Variants in FBXL7 observed in about 807,000 individuals in gnomAD.
FBXL7 encodes F-box/LRR-repeat protein 7.
FBXL7 carries 12 observed loss-of-function variants against 38.3 expected under a neutral mutation model. The observed-to-expected ratio is 0.31, with a 90% CI of 0.20 to 0.51. The LOEUF is 0.51. Among genes scored for constraint, FBXL7 ranks in the 20% least tolerant of loss-of-function variants. The pLI is 0.98. For missense variants in FBXL7, 567 were observed against 676.4 expected, an observed-to-expected ratio of 0.84 and a Z score of 1.79; for synonymous variants, 297 against 300.9, an observed-to-expected ratio of 0.99 and a Z score of 0.13.
At chr5:15,860,200 A>C (rs1413394675) in intron 2 of FBXL7, among the ~76,000 whole-genome samples, 1 of 152,208 alleles carries the variant, frequency 6.6e-6, no homozygotes, top group Non-Finnish European at 1.5e-5. Flanking sequence ...CAAACAATTT[A>C]TTGGTAACAA....
At chr5:15,632,283 A>G (rs4701635) in intron 2 of FBXL7, among the ~76,000 whole-genome samples, 5 of 152,178 alleles carry the variant, frequency 3.3e-5, no homozygotes, top group Admixed American at 3.3e-4. Context: ...TCACTCTAGA[A>G]AATTTTATTT....
chr5:15,724,696 T>C (rs1184285242), intron 2 of FBXL7, among the ~76,000 whole-genome samples: 1 of 152,238 alleles, frequency 6.6e-6, no homozygotes, highest in Non-Finnish European at 1.5e-5. Context: ...TTTTAAAGTA[T>C]GCTAACATTT....
At chr5:15,532,985 A>G (rs532762144) in intron 1 of FBXL7, among the ~76,000 whole-genome samples, 20 of 152,268 alleles carry the variant, frequency 1.3e-4, no homozygotes, top group African/African-American at 4.3e-4. Flanking sequence ...CCAGCTACTG[A>G]GAGAGGAGAT....
intron 2 of FBXL7, among the ~76,000 whole-genome samples, chr5:15,796,170 A>G (rs1737411149): frequency 6.6e-6 from 1 of 152,194 alleles, no homozygotes; most frequent in Admixed American, 6.5e-5. Flanking sequence ...AATAAACCAG[A>G]TCTTTTTCTA....
At chr5:15,630,384 G>A (rs1164037638) in intron 2 of FBXL7, among the ~76,000 whole-genome samples, 3 of 151,832 alleles carry the variant, frequency 2.0e-5, no homozygotes, top group South Asian at 4.1e-4. Flanking sequence ...CCAAATTAGA[G>A]CTTGTGATTT....
At chr5:15,546,421 G>A (rs1446288962) in intron 1 of FBXL7, among the ~76,000 whole-genome samples, 1 of 152,316 alleles carries the variant, frequency 6.6e-6, no homozygotes. Flanking sequence ...ACAAAAGTCA[G>A]CCAGGCATGG....
chr5:15,760,221 T>G (rs1322994213), intron 2 of FBXL7, among the ~76,000 whole-genome samples: 1 of 152,134 alleles, frequency 6.6e-6, no homozygotes, highest in Non-Finnish European at 1.5e-5. Context: ...ATACCCATTG[T>G]GCACACCTAC....
intron 2 of FBXL7, among the ~76,000 whole-genome samples, chr5:15,867,952 A>T: frequency 6.6e-6 from 1 of 152,060 alleles, no homozygotes; most frequent in Non-Finnish European, 1.5e-5. Flanking sequence ...AAAAATACAA[A>T]AATTAGCCGG....
chr5:15,707,443 TA>T (rs1022030303), intron 2 of FBXL7, among the ~76,000 whole-genome samples: 1 of 152,098 alleles, frequency 6.6e-6, no homozygotes, highest in Admixed American at 6.6e-5. Flanking sequence ...ATAATCAGGA[TA>T]AGGACATTAC....
intron 2 of FBXL7, among the ~76,000 whole-genome samples, chr5:15,886,232 T>A (rs1263460575): frequency 1.3e-5 from 2 of 151,996 alleles, no homozygotes; most frequent in Non-Finnish European, 2.9e-5. Flanking sequence ...TGTGTGTGCA[T>A]GCAAATGTAT....
chr5:15,574,472 T>C (rs1698365402), intron 1 of FBXL7, among the ~76,000 whole-genome samples: 1 of 152,218 alleles, frequency 6.6e-6, no homozygotes, highest in Admixed American at 6.5e-5. Context: ...TTACAGATAG[T>C]AGGTGCAAAT....
At chr5:15,558,032 A>G (rs1738302789) in intron 1 of FBXL7, among the ~76,000 whole-genome samples, 1 of 152,202 alleles carries the variant, frequency 6.6e-6, no homozygotes, top group South Asian at 2.1e-4. Context: ...TTACGGATAT[A>G]GAGCTTCTGT....
chr5:15,800,268 G>A lies in FBXL7; in HGVS notation c.128-127622G>A, dbSNP rs533129603. On this transcript the variant is annotated intron_variant, in intron 2 of 3. Transcript: ENST00000504595. ...CAGGAACTCATACCTCATCTCAATA[G>A]GCTTCACATCTGAAGGCTCATCTTG... is the stretch of plus-strand genomic sequence containing the variant. Among the ~76,000 whole-genome samples, 7 of 152,196 alleles carry A rather than the reference G, an allele frequency of 4.6e-5. No individual in the cohort carries two copies. The South Asian group carries it at 1.2e-3, about 27-fold the overall frequency.
intron 2 of FBXL7, among the ~76,000 whole-genome samples, chr5:15,849,544 T>C (rs1198378249): frequency 6.6e-6 from 1 of 152,172 alleles, no homozygotes. Context: ...GGAAGTTTCC[T>C]TGGACAAGTT....
At chr5:15,680,994 C>A (rs1302270546) in intron 2 of FBXL7, among the ~76,000 whole-genome samples, 1 of 152,044 alleles carries the variant, frequency 6.6e-6, no homozygotes, top group African/African-American at 2.4e-5. Flanking sequence ...TTTAGTATAC[C>A]AGCAAGAATC....
chr5:15,545,141 C>A (rs1409733961), intron 1 of FBXL7, among the ~76,000 whole-genome samples: 1 of 152,218 alleles, frequency 6.6e-6, no homozygotes, highest in African/African-American at 2.4e-5. Context: ...TGACTCCATT[C>A]TCAATGCTCA....
At chr5:15,723,623 G>C (rs562964560) in intron 2 of FBXL7, among the ~76,000 whole-genome samples, 1 of 152,358 alleles carries the variant, frequency 6.6e-6, no homozygotes, top group Non-Finnish European at 1.5e-5. Context: ...ACAGCCTCAA[G>C]AACATGGATT....
chr5:15,694,507 T>C (rs1019073005), intron 2 of FBXL7, among the ~76,000 whole-genome samples: 7 of 152,174 alleles, frequency 4.6e-5, no homozygotes, highest in Non-Finnish European at 1.0e-4. Context: ...CTGTACCTTA[T>C]AAATAGATTT....
intron 1 of FBXL7, among the ~76,000 whole-genome samples, chr5:15,508,712 C>G (rs1233347179): frequency 6.6e-6 from 1 of 152,128 alleles, no homozygotes; most frequent in African/African-American, 2.4e-5. Context: ...CTCTTTAGTA[C>G]TTCTTTCTCT....
Sources: allele counts gnomAD v4.1 joint callset (sites outside exome capture counted in the v4.1 genomes callset), GRCh38; gene constraint gnomAD v4.1.1; transcripts MANE v1.5; gene names NCBI Gene and HGNC (gene_info 2026-07-23, HGNC 2026-07-21).